The following LCORL variants were observed in gnomAD, a reference collection of about 807,000 sequenced individuals.
LCORL encodes ligand dependent nuclear receptor corepressor like.
LCORL carries 41 observed loss-of-function variants against 141.8 expected under a neutral mutation model. The observed-to-expected ratio is 0.29, with a 90% CI of 0.23 to 0.38. The LOEUF (loss-of-function observed/expected upper bound fraction) is 0.38. Ranked by LOEUF, LCORL falls within the 10% of genes least tolerant of loss-of-function variation. The pLI is 1.00. For synonymous variants in LCORL, 618 were observed against 694.1 expected, an observed-to-expected ratio of 0.89 and a Z score of 1.72; for missense variants, 1,759 against 2,035.0, an observed-to-expected ratio of 0.86 and a Z score of 2.61.
chr4:17,921,329 G>T (rs557631709), intron 4 of LCORL, among the ~76,000 whole-genome samples: 1 of 152,056 alleles, frequency 6.6e-6, no homozygotes, highest in Non-Finnish European at 1.5e-5. Context: ...GCACCCAACC[G>T]AATCAGTAAT....
chr4:17,943,461 C>G (rs1738309117), intron 4 of LCORL, among the ~76,000 whole-genome samples: 1 of 152,038 alleles, frequency 6.6e-6, no homozygotes, highest in South Asian at 2.1e-4. Context: ...CACCTTATAC[C>G]AAAAGTTACT....
intron 1 of LCORL, among the ~76,000 whole-genome samples, chr4:18,004,256 T>C (rs554651729): frequency 2.0e-5 from 3 of 152,356 alleles, no homozygotes; most frequent in South Asian, 2.1e-4. Flanking sequence ...TATTCATATA[T>C]GGATTTCACA....
At chr4:17,976,961 A>T (rs1717102191) in intron 1 of LCORL, among the ~76,000 whole-genome samples, 1 of 152,126 alleles carries the variant, frequency 6.6e-6, no homozygotes. Flanking sequence ...GAGCTCACTA[A>T]ATCTGCGGAA....
At chr4:17,886,699 AC>A (rs1288823571) in intron 5 of LCORL, among the ~76,000 whole-genome samples, 1 of 152,076 alleles carries the variant, frequency 6.6e-6, no homozygotes, top group Non-Finnish European at 1.5e-5. Flanking sequence ...ATTGAACTAT[AC>A]AATAGTTAAA....
At position 17,966,509 on chromosome 4, in the gene LCORL, A is replaced by T. The variant is rs190648303; in HGVS notation, c.221-3460T>A. ...TATCTATTAAAGAAATTAATAATTA[A>T]AAACCTTCTGAAACAGAAAGCACCA... is the stretch of plus-strand genomic sequence containing the variant. On this transcript the variant is annotated intron_variant, in intron 2 of 7. Transcript: ENST00000635767. Among the ~76,000 whole-genome samples, 3 of 152,230 alleles carry T rather than the reference A, an allele frequency of 2.0e-5. No individual in the cohort carries two copies. In the East Asian group the frequency reaches 5.8e-4, roughly 29 times the overall value.
chr4:17,848,848 G>C (rs1336218608), intron 7 of LCORL, among the ~76,000 whole-genome samples: 1 of 152,194 alleles, frequency 6.6e-6, no homozygotes, highest in East Asian at 1.9e-4. Context: ...TTTTCCGACG[G>C]GCTTAAAAAA....
intron 5 of LCORL, among the ~76,000 whole-genome samples, chr4:17,894,023 G>A (rs536787943): frequency 4.6e-5 from 7 of 151,956 alleles, no homozygotes; most frequent in South Asian, 2.1e-4. Context: ...GGTCTTGAAC[G>A]CCTGACCTCA....
exon 7 of LCORL, chr4:17,877,065 G>A: frequency 8.1e-7 from 1 of 1,230,296 alleles, no homozygotes; most frequent in Non-Finnish European, 1.0e-6. Flanking sequence ...TTTTTTTCTT[G>A]TAAAATTTTC....
chr4:17,848,270 C>A (rs1007291986), intron 7 of LCORL, among the ~76,000 whole-genome samples: 1 of 152,158 alleles, frequency 6.6e-6, no homozygotes, highest in Admixed American at 6.5e-5. Flanking sequence ...CAGTACTGCT[C>A]TACAGAATTC....
chr4:17,942,082 G>C (rs946756277), intron 4 of LCORL, among the ~76,000 whole-genome samples: 1 of 152,118 alleles, frequency 6.6e-6, no homozygotes. Context: ...CTCAAGAAAT[G>C]TCAAAACCTT....
intron 1 of LCORL, among the ~76,000 whole-genome samples, chr4:18,011,816 G>C (rs1196516841): frequency 6.6e-6 from 1 of 152,228 alleles, no homozygotes; most frequent in South Asian, 2.1e-4. Flanking sequence ...AACATTTACT[G>C]TCTGGCCCTT....
At chr4:17,878,335 C>A in intron 6 of LCORL, 122 bp from the exon 7 acceptor site, 1 of 522,612 alleles carries the variant, frequency 1.9e-6, no homozygotes, top group South Asian at 1.0e-4. Flanking sequence ...TCCTAGAGAG[C>A]TGCAATAATG....
At chr4:17,976,953 G>A (rs780734556) in intron 1 of LCORL, among the ~76,000 whole-genome samples, 4 of 152,066 alleles carry the variant, frequency 2.6e-5, no homozygotes, top group Non-Finnish European at 5.9e-5. Context: ...TCTTTGTTGA[G>A]CTCACTAAAT....
chr4:17,894,586 T>C (rs1729604190), intron 5 of LCORL, among the ~76,000 whole-genome samples: 1 of 152,196 alleles, frequency 6.6e-6, no homozygotes, highest in South Asian at 2.1e-4. Flanking sequence ...AAAACAGTTT[T>C]GTAGATCTCT....
intron 1 of LCORL, among the ~76,000 whole-genome samples, chr4:17,999,153 G>A (rs76236231): frequency 0.016 from 2,350 of 144,158 alleles, 33 homozygotes; most frequent in Non-Finnish European, 0.028. Flanking sequence ...CTACAAACAC[G>A]TGAGTAATGC....
At chr4:17,915,060 T>C (rs1733183712) in intron 4 of LCORL, among the ~76,000 whole-genome samples, 2 of 152,182 alleles carry the variant, frequency 1.3e-5, no homozygotes, top group Admixed American at 1.3e-4. Flanking sequence ...GTTTTCTCTT[T>C]TGCCCCTCTT....
At chr4:18,004,858 G>C (rs1056700739) in intron 1 of LCORL, among the ~76,000 whole-genome samples, 14 of 152,128 alleles carry the variant, frequency 9.2e-5, no homozygotes, top group African/African-American at 3.4e-4. Flanking sequence ...ATCCCAAATG[G>C]GAGAAATTGG....
Position 17,950,137 on chromosome 4 carries a change from T to G in LCORL, c.430+11766A>C, listed in dbSNP as rs965777747. ...GCTAAAACCTTTTTTAGTATACCAC[T>G]TGAAAAACTCAAGAGCCCTTAAAGT... On this transcript the variant is annotated intron_variant, in intron 4 of 7. Transcript: ENST00000635767. Among the ~76,000 whole-genome samples, 4 of 152,268 alleles carry G rather than the reference T, an allele frequency of 2.6e-5. No individual in the cohort carries two copies. In the South Asian group the frequency reaches 8.3e-4, roughly 32 times the overall value.
intron 4 of LCORL, among the ~76,000 whole-genome samples, chr4:17,949,408 C>CCA (rs2109527583): frequency 6.6e-6 from 1 of 152,226 alleles, no homozygotes; most frequent in South Asian, 2.1e-4. Context: ...GCGTCCTTGA[C>CCA]TGTAGTTCCT....
Sources: allele counts gnomAD v4.1 joint callset (sites outside exome capture counted in the v4.1 genomes callset), GRCh38; gene constraint gnomAD v4.1.1; transcripts MANE v1.5; gene names NCBI Gene and HGNC (gene_info 2026-07-23, HGNC 2026-07-21).